Variants in RAPGEF4 observed in about 807,000 individuals in gnomAD.
The protein encoded by RAPGEF4 is RAP guanine-nucleotide-exchange factor (GEF) 4.
Under a neutral mutation model 147.9 loss-of-function variants are expected in RAPGEF4, and 66 were observed. That is an observed-to-expected ratio of 0.45 (90% CI 0.37 to 0.55). RAPGEF4 has a LOEUF of 0.55. RAPGEF4 is among the 20% of genes least tolerant of loss of function. RAPGEF4 has a pLI of 0.00. For synonymous variants in RAPGEF4, 419 were observed against 442.7 expected (o/e 0.95, Z 0.67); for missense variants, 1,071 against 1,257.3 (o/e 0.85, Z 2.24).
chr2:172,848,906 T>C (rs1692513007), intron 4 of RAPGEF4, among the ~76,000 whole-genome samples: 1 of 152,060 alleles, frequency 6.6e-6, no homozygotes, highest in Admixed American at 6.5e-5. Context: ...GTTAGAAGGC[T>C]CAATTAGTGA....
Position 172,824,569 on chromosome 2 carries a change from G to A in RAPGEF4, c.444+10144G>A, listed in dbSNP as rs866040433. Among the ~76,000 whole-genome samples, 5 of 152,202 alleles carry A rather than the reference G, an allele frequency of 3.3e-5. 2 individuals carry two copies. In the South Asian group the frequency reaches 1.0e-3, roughly 31 times the overall value. Reference sequence around the variant, plus strand: ...CTAGCAGATTTATGTAATAATGGCAGTCAGTACTTTAGAGTCAGAATCTGT... The same window carrying A: ...CTAGCAGATTTATGTAATAATGGCAATCAGTACTTTAGAGTCAGAATCTGT... On this transcript the variant is annotated intron_variant, in intron 4 of 30. Coordinates refer to ENST00000397081, the MANE Select transcript of RAPGEF4 (RefSeq NM_007023.4).
chr2:172,765,171 C>A (rs147857996), intron 1 of RAPGEF4, among the ~76,000 whole-genome samples: 1 of 152,322 alleles, frequency 6.6e-6, no homozygotes, highest in East Asian at 1.9e-4. Context: ...TGTCTTGCCT[C>A]CGTGTCTGTT....
intron 5 of RAPGEF4, among the ~76,000 whole-genome samples, chr2:172,921,133 T>C (rs1684712719): frequency 1.3e-5 from 2 of 152,002 alleles, no homozygotes; most frequent in African/African-American, 2.4e-5. Flanking sequence ...GTTTTTTTTT[T>C]AGTCAGGGTC....
At chr2:172,756,573 T>G (rs1328649157) in intron 1 of RAPGEF4, among the ~76,000 whole-genome samples, 1 of 152,214 alleles carries the variant, frequency 6.6e-6, no homozygotes, top group Non-Finnish European at 1.5e-5. Flanking sequence ...TCCTCTTGAC[T>G]TCTTCCTCAG....
At chr2:172,923,253 G>A (rs1012952517) in intron 6 of RAPGEF4, among the ~76,000 whole-genome samples, 1 of 152,080 alleles carries the variant, frequency 6.6e-6, no homozygotes, top group African/African-American at 2.4e-5. Flanking sequence ...TACAAACTTG[G>A]GAGGTGGGGG....
chr2:173,023,128 G>A lies in RAPGEF4; in HGVS notation c.2253+2413G>A, dbSNP rs144356291. On this transcript the variant is annotated intron_variant, in intron 23 of 30. Coordinates refer to ENST00000397081, the MANE Select transcript of RAPGEF4 (RefSeq NM_007023.4). ...GCCATAGCAGAGCTAGACACAGAGG[G>A]TGTGGGCACACGAGGAAAGGAAGAT... 6.6e-3 allele frequency among the ~76,000 whole-genome samples: 1,001 copies of A among 152,264 alleles called. 8 individuals are homozygous for A. The highest frequency in any genetic ancestry group is 0.023 in the African/African-American group (946 of 41,554).
intron 6 of RAPGEF4, among the ~76,000 whole-genome samples, chr2:172,950,400 C>A (rs1480313477): frequency 6.6e-6 from 1 of 152,178 alleles, no homozygotes; most frequent in Non-Finnish European, 1.5e-5. Flanking sequence ...ATACTGAAAT[C>A]ACGCTATTGA....
chr2:172,990,405 G>A (rs959827351), intron 14 of RAPGEF4, among the ~76,000 whole-genome samples: 1 of 152,140 alleles, frequency 6.6e-6, no homozygotes, highest in Non-Finnish European at 1.5e-5. Context: ...TTTGATTAAA[G>A]AGAAAAGGTG....
chr2:172,918,002 A>G (rs1415938987), intron 5 of RAPGEF4, 128 bp downstream of exon 5: 1 of 820,054 alleles, frequency 1.2e-6, no homozygotes, highest in African/African-American at 1.7e-5. Flanking sequence ...GGATAAACAA[A>G]CCTGCCAGCT....
chr2:172,987,815 A>T (rs1264203586), intron 12 of RAPGEF4, among the ~76,000 whole-genome samples: 1 of 152,202 alleles, frequency 6.6e-6, no homozygotes, highest in Non-Finnish European at 1.5e-5. Flanking sequence ...ATCTGTAAAC[A>T]ATATATAGTG....
At chr2:172,967,125 A>G (rs981803154) in intron 9 of RAPGEF4, 136 bp from the exon 10 acceptor site, 29 of 790,462 alleles carry the variant, frequency 3.7e-5, no homozygotes, top group Non-Finnish European at 5.6e-5. Flanking sequence ...TGGGCAGGGC[A>G]GAGTGAGAAG....
chr2:172,857,438 T>C (rs563010635), intron 4 of RAPGEF4, among the ~76,000 whole-genome samples: 31 of 152,360 alleles, frequency 2.0e-4, no homozygotes, highest in African/African-American at 7.0e-4. Context: ...GGATACTTCA[T>C]ATGTCTTTCG....
chr2:172,868,791 T>C (rs766281854), intron 4 of RAPGEF4, among the ~76,000 whole-genome samples: 2 of 152,210 alleles, frequency 1.3e-5, no homozygotes, highest in African/African-American at 4.8e-5. Context: ...TGTAAAGATA[T>C]GAGGTTTATT....
At chr2:173,002,233 C>A (rs368815704) in intron 17 of RAPGEF4, among the ~76,000 whole-genome samples, 1 of 152,292 alleles carries the variant, frequency 6.6e-6, no homozygotes, top group East Asian at 1.9e-4. Context: ...TCATCCTCGT[C>A]TATCCTCTCC....
At chr2:173,006,624 G>T (rs926702916) in intron 17 of RAPGEF4, among the ~76,000 whole-genome samples, 3 of 152,056 alleles carry the variant, frequency 2.0e-5, no homozygotes, top group African/African-American at 7.2e-5. Context: ...GAAAAATTAG[G>T]GTCCCTGTCA....
chr2:172,917,899 G>T, intron 5 of RAPGEF4, 25 bp downstream of exon 5: 1 of 1,596,890 alleles, frequency 6.3e-7, no homozygotes, highest in Non-Finnish European at 8.6e-7. Context: ...TGAACATTTT[G>T]TATCTAAAAA....
intron 1 of RAPGEF4, among the ~76,000 whole-genome samples, chr2:172,758,815 G>GA (rs1346321078): frequency 3.9e-5 from 6 of 152,202 alleles, no homozygotes; most frequent in Non-Finnish European, 8.8e-5. Context: ...TGTTAAGTGT[G>GA]AAATTGGATA....
rs1574948087 is a variant in RAPGEF4, at chr2:172,821,881, A to G, written c.444+7456A>G. On this transcript the variant is annotated intron_variant, in intron 4 of 30. Transcript: ENST00000397081. The stretch of plus-strand genomic sequence containing the variant: ...AGACACGAACAGGGAATGAACGGCA[A>G]TGAAGGTACATTTTGCTGATCAAAT... The G allele has an allele frequency of 1.0e-5, 16 of 1,602,842 alleles. No homozygotes were observed. In the East Asian group the frequency reaches 2.5e-4, roughly 25 times the overall value.
chr2:172,999,142 G>T (rs1205302609), intron 16 of RAPGEF4, among the ~76,000 whole-genome samples: 1 of 152,172 alleles, frequency 6.6e-6, no homozygotes, highest in Non-Finnish European at 1.5e-5. Context: ...GTATTCTAAG[G>T]CTGGCGTGTG....
Sources: gnomAD v4.1 joint callset for allele counts (sites outside exome capture counted in the v4.1 genomes callset) on GRCh38, gnomAD v4.1.1 for gene constraint, MANE v1.5 for transcripts, NCBI Gene and HGNC (gene_info 2026-07-23, HGNC 2026-07-21) for gene names.